Variants in DNM3 observed in about 807,000 individuals in gnomAD.
The protein encoded by DNM3 is dynamin 3.
A neutral mutation model predicts 101.6 loss-of-function variants in DNM3; 47 were observed. That is an observed-to-expected ratio of 0.46 (90% CI 0.37 to 0.59). DNM3 has a LOEUF of 0.59. Among genes scored for constraint, DNM3 ranks in the 20% least tolerant of loss-of-function variants. The pLI, the probability that DNM3 is intolerant of heterozygous loss-of-function variation, is 0.00. For missense variants in DNM3, 849 were observed against 1,085.7 expected (o/e 0.78, Z 3.06); for synonymous variants, 385 against 387.9 (o/e 0.99, Z 0.09).
intron 14 of DNM3, among the ~76,000 whole-genome samples, chr1:172,159,852 G>A (rs1003358403): frequency 2.6e-5 from 4 of 152,000 alleles, no homozygotes; most frequent in African/African-American, 9.7e-5. Flanking sequence ...TTTCATCCTT[G>A]TAGAAATATC....
chr1:172,026,068 T>C (rs1162583151), intron 4 of DNM3, among the ~76,000 whole-genome samples: 1 of 152,070 alleles, frequency 6.6e-6, no homozygotes, highest in Non-Finnish European at 1.5e-5. Context: ...GAAAAAATTT[T>C]AGAGGAATTG....
At chr1:171,858,653 G>A (rs1000509785) in intron 1 of DNM3, among the ~76,000 whole-genome samples, 2 of 152,058 alleles carry the variant, frequency 1.3e-5, no homozygotes, top group Non-Finnish European at 2.9e-5. Flanking sequence ...CATGGTAATC[G>A]GTATTTTTCA....
At chr1:172,099,066 G>C (rs536228341) in intron 13 of DNM3, among the ~76,000 whole-genome samples, 1 of 152,308 alleles carries the variant, frequency 6.6e-6, no homozygotes, top group Non-Finnish European at 1.5e-5. Flanking sequence ...TTCTGAGCTG[G>C]TGTTTTTCTA....
At chr1:172,135,432 TA>T (rs201447408) in intron 14 of DNM3, among the ~76,000 whole-genome samples, 5,714 of 152,184 alleles carry the variant, frequency 0.038, 128 homozygotes, top group Middle Eastern at 0.075. Flanking sequence ...CCACTAAAGG[TA>T]GATTGTCTTA....
chr1:171,876,543 C>A (rs2035800948), intron 1 of DNM3, among the ~76,000 whole-genome samples: 2 of 152,182 alleles, frequency 1.3e-5, no homozygotes, highest in Non-Finnish European at 2.9e-5. Flanking sequence ...AGCACCTATA[C>A]ATGTTGTGGC....
intron 15 of DNM3, among the ~76,000 whole-genome samples, chr1:172,254,540 C>T (rs1038787077): frequency 2.0e-5 from 3 of 152,134 alleles, no homozygotes; most frequent in East Asian, 1.9e-4. Context: ...AATAAGAAAG[C>T]GTAGGCTCAG....
intron 10 of DNM3, among the ~76,000 whole-genome samples, chr1:172,056,520 A>G (rs2050637689): frequency 1.3e-5 from 2 of 152,188 alleles, no homozygotes; most frequent in African/African-American, 4.8e-5. Flanking sequence ...TGCCTCCTCA[A>G]GTGGGTCCCT....
At chr1:171,863,417 A>G (rs1418306663) in intron 1 of DNM3, among the ~76,000 whole-genome samples, 1 of 152,178 alleles carries the variant, frequency 6.6e-6, no homozygotes, top group African/African-American at 2.4e-5. Context: ...AGGGAGGGGC[A>G]GAAAGACAGG....
intron 11 of DNM3, among the ~76,000 whole-genome samples, chr1:172,072,379 T>C (rs1290428197): frequency 6.6e-6 from 1 of 152,188 alleles, no homozygotes; most frequent in Non-Finnish European, 1.5e-5. Context: ...ACTTTATTTT[T>C]GGTAGTGGGA....
intron 2 of DNM3, among the ~76,000 whole-genome samples, chr1:171,955,182 A>G (rs377470079): frequency 4.1e-4 from 62 of 152,226 alleles, no homozygotes; most frequent in Non-Finnish European, 3.4e-4. Context: ...GCCATAGAAT[A>G]GTTGCCATAA....
intron 14 of DNM3, among the ~76,000 whole-genome samples, chr1:172,202,554 C>T (rs1297316181): frequency 6.6e-6 from 1 of 152,068 alleles, no homozygotes; most frequent in East Asian, 1.9e-4. Context: ...ATTTCTTTTA[C>T]TAAATTGTGG....
chr1:172,387,557 G>C (rs2069260511), intron 19 of DNM3, among the ~76,000 whole-genome samples, 198 bp downstream of exon 19: 1 of 152,014 alleles, frequency 6.6e-6, no homozygotes, highest in African/African-American at 2.4e-5. Flanking sequence ...TACTCGGGAG[G>C]CTGAGGCAGG....
chr1:171,904,484 A>G (rs1461073611), intron 1 of DNM3, among the ~76,000 whole-genome samples: 1 of 152,204 alleles, frequency 6.6e-6, no homozygotes, highest in Non-Finnish European at 1.5e-5. Context: ...GGATGGTCCT[A>G]GAATTCATGG....
At chr1:172,076,357 A>G (rs952931623) in intron 11 of DNM3, among the ~76,000 whole-genome samples, 2 of 152,188 alleles carry the variant, frequency 1.3e-5, no homozygotes, top group Non-Finnish European at 2.9e-5. Flanking sequence ...ACTATGTTGA[A>G]CAGGAATGGC....
intron 2 of DNM3, among the ~76,000 whole-genome samples, chr1:171,934,666 C>T (rs562332999): frequency 1.4e-4 from 21 of 152,110 alleles, no homozygotes; most frequent in African/African-American, 4.8e-4. Context: ...CAAGGTTAGA[C>T]CTGGGGATGT....
chr1:171,883,122 C>T (rs2036433494), intron 1 of DNM3, among the ~76,000 whole-genome samples: 1 of 151,850 alleles, frequency 6.6e-6, no homozygotes, highest in Non-Finnish European at 1.5e-5. Context: ...GCATATTTTC[C>T]TGGCTCCCTA....
intron 12 of DNM3, among the ~76,000 whole-genome samples, chr1:172,084,598 T>G (rs1483563102): frequency 2.6e-5 from 4 of 152,166 alleles, no homozygotes; most frequent in Admixed American, 2.6e-4. Flanking sequence ...GTGGTATTTT[T>G]TGTGCTTTTA....
intron 12 of DNM3, 36 bp from the exon 13 acceptor site, chr1:172,092,788 T>G: frequency 6.5e-7 from 1 of 1,533,134 alleles, no homozygotes; most frequent in Non-Finnish European, 8.8e-7. Flanking sequence ...AAATTATATG[T>G]GTCTCTTCAG....
chr1:171,955,969 A>G (rs888710637), intron 2 of DNM3, among the ~76,000 whole-genome samples: 2 of 152,094 alleles, frequency 1.3e-5, no homozygotes, highest in African/African-American at 4.8e-5. Context: ...CTATCACGAG[A>G]ACAGCATGAG....
Sources: gnomAD v4.1 joint callset for allele counts (sites outside exome capture counted in the v4.1 genomes callset) on GRCh38, gnomAD v4.1.1 for gene constraint, MANE v1.5 for transcripts, NCBI Gene and HGNC (gene_info 2026-07-23, HGNC 2026-07-21) for gene names.